The following PPP5C variants were observed in gnomAD, a reference collection of about 807,000 sequenced individuals.
PPP5C encodes the protein protein phosphatase 5 catalytic subunit, also known as serine/threonine-protein phosphatase 5.
In PPP5C, 21 loss-of-function variants were observed where a neutral mutation model predicts 66.7. The observed-to-expected ratio is 0.31, with a 90% CI of 0.22 to 0.45. The LOEUF is 0.45. Ranked by LOEUF, PPP5C falls within the 20% of genes least tolerant of loss-of-function variation. PPP5C has a pLI of 1.00. For synonymous variants in PPP5C, 246 were observed against 257.4 expected, an observed-to-expected ratio of 0.96 and a Z score of 0.43; for missense variants, 464 against 675.9, an observed-to-expected ratio of 0.69 and a Z score of 3.48.
rs115551214 is a variant in PPP5C at position 46,361,026 on chromosome 19, C to T, written c.363+7037C>T. Among the ~76,000 whole-genome samples, 309 of 152,008 alleles carry T rather than the reference C, an allele frequency of 2.0e-3. 2 individuals are homozygous for T. Among genetic ancestry groups the T allele is most frequent in the African/African-American group, 7.1e-3 (295 of 41,434 alleles). On this transcript the variant is annotated intron_variant, in intron 2 of 12. Coordinates refer to ENST00000012443, the MANE Select transcript of PPP5C (RefSeq NM_006247.4). ...TAAGAGCAACAGAATCTTTCTCTCCCTCTCCCCTTTTTTGTTTTTTCTGTG... is the reference window on the plus strand; with the variant it reads ...TAAGAGCAACAGAATCTTTCTCTCCTTCTCCCCTTTTTTGTTTTTTCTGTG...
chr19:46,349,810 G>T (rs1361725616), intron 1 of PPP5C, among the ~76,000 whole-genome samples: 1 of 151,976 alleles, frequency 6.6e-6, no homozygotes, highest in African/African-American at 2.4e-5. Flanking sequence ...CAGGGAGGAA[G>T]TGAGAGTGGC....
Position 46,353,888 on chromosome 19 carries a change from G to A in PPP5C, c.262G>A (p.Ala88Thr), listed in dbSNP as rs750671327. ...YGYALGDATR[A>T]IELDKKYIKG... The stretch of plus-strand genomic sequence containing the variant: ...CTACGCGCTGGGAGACGCCACGCGG[G>A]CCATTGAGCTGGACAAGAAGTACAT... Residue 88 changes from alanine to threonine, a missense_variant, in exon 2 of 13, where the codon GCC (alanine) becomes ACC (threonine). Around this residue, in one of 2 missense-constraint regions of PPP5C, gnomAD observed 387 missense variants for 626.0 expected, o/e 0.62. Transcript: ENST00000012443. 1 of 1,606,236 alleles carries A rather than the reference G, an allele frequency of 6.2e-7. No individual in the cohort carries two copies. The highest frequency in any genetic ancestry group is 1.7e-5 in the Admixed American group (1 of 58,284).
At chr19:46,352,751 C>T (rs1042302978) in intron 1 of PPP5C, among the ~76,000 whole-genome samples, 7 of 149,068 alleles carry the variant, frequency 4.7e-5, no homozygotes, top group African/African-American at 1.2e-4. Context: ...ACCTGGGAGG[C>T]GGAGCTTGCA....
rs1288502118 is a variant in PPP5C, at chr19:46,387,450, T to G, written c.1132T>G (p.Ser378Ala). ...TGAGCGGAATCGACAACCCCCAGAT[T>G]CAGGTGAGCAGCGCGGGGCCAGGTG... ...KIERNRQPPD[S>A]GPMCDLLWSD... The change falls in exon 9 of 13, where the codon TCA becomes GCA. Residue 378 changes from serine (S) to alanine (A), a missense_variant. This residue lies in a region of PPP5C where 387 missense variants were observed against 626.0 expected (regional missense o/e 0.62). Transcript: ENST00000012443. 1.2e-6 allele frequency: 2 copies of G among 1,613,796 alleles called. No individual in the cohort carries two copies. Among genetic ancestry groups the G allele is most frequent in the Non-Finnish European group, 1.7e-6 (2 of 1,179,766 alleles).
chr19:46,377,896 G>A (rs955661290), intron 4 of PPP5C, among the ~76,000 whole-genome samples: 2 of 152,136 alleles, frequency 1.3e-5, no homozygotes, highest in African/African-American at 2.4e-5. Context: ...AGAGACATTT[G>A]GGTTATTTCT....
chr19:46,389,347 AAGACTC>A (rs1972953394), intron 11 of PPP5C, among the ~76,000 whole-genome samples: 1 of 142,440 alleles, frequency 7.0e-6, no homozygotes, highest in East Asian at 2.2e-4. Flanking sequence ...GGGCAAGAGT[AAGACTC>A]CATCTCAAAA....
intron 1 of PPP5C, among the ~76,000 whole-genome samples, chr19:46,349,614 G>A (rs951060399): frequency 6.6e-6 from 1 of 152,064 alleles, no homozygotes; most frequent in African/African-American, 2.4e-5. Context: ...GGGGGTGGTC[G>A]ATGCCATGGG....
At chr19:46,357,606 C>T (rs942332845) in intron 2 of PPP5C, among the ~76,000 whole-genome samples, 4 of 152,306 alleles carry the variant, frequency 2.6e-5, no homozygotes, top group Admixed American at 2.0e-4. Flanking sequence ...GTTATTTTGC[C>T]GGTGATTCTG....
At chr19:46,364,174 G>C (rs1301347206) in intron 2 of PPP5C, among the ~76,000 whole-genome samples, 2 of 152,178 alleles carry the variant, frequency 1.3e-5, no homozygotes, top group Non-Finnish European at 1.5e-5. Context: ...GAGGAAATCA[G>C]AGAGAACAGA....
At chr19:46,369,241 C>A (rs1012587613) in intron 2 of PPP5C, among the ~76,000 whole-genome samples, 2 of 152,216 alleles carry the variant, frequency 1.3e-5, no homozygotes, top group Non-Finnish European at 2.9e-5. Flanking sequence ...GGTTATGTGG[C>A]ATGGCCGAGT....
chr19:46,388,348 G>A lies in PPP5C; in HGVS notation c.1136-60G>A. On this transcript the variant is annotated intron_variant, in intron 9 of 12. Coordinates refer to ENST00000012443, the MANE Select transcript of PPP5C (RefSeq NM_006247.4). The surrounding 1 kb of genome is among the most constrained non-coding windows in gnomAD (Gnocchi z 4.9). ...ACCTGGCCGGGCCAGGAGGTGGCCT[G>A]TGAGTGACCACCCCCGGGGAGGTGG... The A allele has an allele frequency of 1.9e-6, 3 of 1,547,074 alleles. No homozygotes were observed. The highest frequency in any genetic ancestry group is 2.6e-6 in the Non-Finnish European group (3 of 1,138,312).
Position 46,376,400 on chromosome 19 carries a change from C to T in PPP5C, c.512-53C>T. On this transcript the variant is annotated intron_variant, in intron 3 of 12. Coordinates refer to ENST00000012443, the MANE Select transcript of PPP5C (RefSeq NM_006247.4). This position sits in a 1 kb window ranked among gnomAD's most constrained non-coding sequence, Gnocchi z 5.1. ...ATCCCTGGGAGCGAGACCCCCTTCT[C>T]CCTCATAGTGGCTGTGGTCACTGAC... 1 of 1,600,518 alleles carries T rather than the reference C, an allele frequency of 6.2e-7. No individual in the cohort carries two copies. The highest frequency in any genetic ancestry group is 8.5e-7 in the Non-Finnish European group (1 of 1,171,738).
chr19:46,382,435 T>C (rs1422720225), intron 4 of PPP5C: 1 of 152,250 alleles, frequency 6.6e-6, no homozygotes, highest in Admixed American at 6.5e-5. Flanking sequence ...TTGTAACTTT[T>C]CTACCTTCTG....
intron 2 of PPP5C, among the ~76,000 whole-genome samples, chr19:46,363,994 G>T (rs1216121680): frequency 2.0e-5 from 3 of 152,134 alleles, no homozygotes; most frequent in Non-Finnish European, 4.4e-5. Flanking sequence ...ACCAAAGGTG[G>T]CAAGAGGAAG....
chr19:46,387,416 C>T lies in PPP5C; in HGVS notation c.1098C>T (p.Ile366=), dbSNP rs748188415. 6.2e-7 allele frequency: 1 copy of T among 1,613,184 alleles called. No individual in the cohort carries two copies. The highest frequency in any genetic ancestry group is 8.5e-7 in the Non-Finnish European group (1 of 1,179,208). Residue 366 remains isoleucine (I), a synonymous_variant, in exon 9 of 13, where the codon ATC becomes ATT. Transcript: ENST00000012443. ...FSEDGVTLDD[I]RKIERNRQPP... is the part of the protein sequence containing the mutation. Reference sequence around the variant, plus strand: ...AAGACGGTGTCACCCTGGATGACATCCGGAAAATTGAGCGGAATCGACAAC... The same window carrying T: ...AAGACGGTGTCACCCTGGATGACATTCGGAAAATTGAGCGGAATCGACAAC...
chr19:46,387,405 C>T lies in PPP5C; in HGVS notation c.1087C>T (p.Leu363=). 6.2e-7 allele frequency: 1 copy of T among 1,612,810 alleles called. No homozygotes were observed. Among genetic ancestry groups the T allele is most frequent in the Non-Finnish European group, 8.5e-7 (1 of 1,178,910 alleles). ...GGLFSEDGVT[L]DDIRKIERNR... The stretch of plus-strand genomic sequence containing the variant: ...CCTGTTCAGTGAAGACGGTGTCACC[C>T]TGGATGACATCCGGAAAATTGAGCG... The change falls in exon 9 of 13, where the codon CTG becomes TTG. Residue 363 remains leucine, a synonymous_variant. Transcript: ENST00000012443.
rs1358590027 is a variant in PPP5C, at chr19:46,375,762, C to T, written c.511+11C>T. 1.3e-6 allele frequency: 2 copies of T among 1,581,840 alleles called. No individual in the cohort carries two copies. On this transcript the variant is annotated intron_variant, in intron 3 of 12. Coordinates refer to ENST00000012443, the MANE Select transcript of PPP5C (RefSeq NM_006247.4). The stretch of plus-strand genomic sequence containing the variant: ...ACATCGAGAGCATGAGTGAGTCAGG[C>T]CTGGATGCTCCACGCTCCAGCCCAG...
intron 2 of PPP5C, among the ~76,000 whole-genome samples, chr19:46,363,924 GCCTGTTTA>G (rs1326308528): frequency 6.6e-6 from 1 of 152,164 alleles, no homozygotes; most frequent in African/African-American, 2.4e-5. Context: ...CCTGAGAGGA[GCCTGTTTA>G]CCCACAATGC....
At chr19:46,380,536 A>T (rs1165371407) in intron 4 of PPP5C, among the ~76,000 whole-genome samples, 1 of 152,002 alleles carries the variant, frequency 6.6e-6, no homozygotes, top group Non-Finnish European at 1.5e-5. Flanking sequence ...TCCATATGTG[A>T]GTTTCTATCT....
Sources: allele counts gnomAD v4.1 joint callset (sites outside exome capture counted in the v4.1 genomes callset), GRCh38; gene constraint gnomAD v4.1.1; regional missense constraint gnomAD v4.1.1; non-coding constraint Gnocchi (gnomAD v3.1); transcripts MANE v1.5; gene names NCBI Gene and HGNC (gene_info 2026-07-23, HGNC 2026-07-21).